DNAH11: variants seen among roughly 807,000 people sequenced by gnomAD.
DNAH11 encodes dynein axonemal heavy chain 11.
A neutral mutation model predicts 526.0 loss-of-function variants in DNAH11; 442 were observed. That is an observed-to-expected ratio of 0.84 (90% CI 0.78 to 0.91). The LOEUF is 0.91. Ranked by LOEUF, DNAH11 falls within the 40% of genes least tolerant of loss-of-function variation. DNAH11 has a pLI of 0.00. For synonymous variants in DNAH11, 2,461 were observed against 1,935.9 expected (o/e 1.27, Z -7.12); for missense variants, 6,989 against 5,448.7 (o/e 1.28, Z -8.90).
rs548116728 is a variant in DNAH11, at chr7:21,699,968, G to T, written c.6180+1755G>T. On this transcript the variant is annotated intron_variant, in intron 36 of 81. Transcript: ENST00000409508. ...GACATAAAAATTGGGAGACAATGGA[G>T]AATGAAAAGATTATCAGAGTTTTCA... 3.3e-5 allele frequency among the ~76,000 whole-genome samples: 5 copies of T among 152,186 alleles called. No homozygotes were observed. In the East Asian group the frequency reaches 7.7e-4, roughly 23 times the overall value.
At chr7:21,893,017 A>G (rs143873274) in intron 77 of DNAH11, among the ~76,000 whole-genome samples, 62 of 152,272 alleles carry the variant, frequency 4.1e-4, no homozygotes, top group African/African-American at 1.3e-3. Flanking sequence ...TCATGTACCA[A>G]TGGTTCATTT....
Position 21,712,000 on chromosome 7 carries a change from A to G in DNAH11, c.6983+140A>G, listed in dbSNP as rs553546823. 3.8e-5 allele frequency: 39 copies of G among 1,026,898 alleles called. No homozygotes were observed. The Middle Eastern group carries it at 1.6e-3, about 42-fold the overall frequency. The allele number at this position is 1,026,898 out of a possible 1,614,324, so 63.6% of individuals were successfully genotyped here. A position where few individuals can be genotyped will look rare whatever the true frequency, so the allele number is the denominator to read the frequency against. On this transcript the variant is annotated intron_variant, in intron 42 of 81. Transcript: ENST00000409508. ...TCTCTGGAAGGATTTTATCTTCCCA[A>G]AGTGACACTCTTTATCCATTAAACA...
At chr7:21,561,422 G>A (rs1783454471) in intron 5 of DNAH11, 1 of 359,016 alleles carries the variant, frequency 2.8e-6, no homozygotes, top group Non-Finnish European at 4.9e-6. Flanking sequence ...AATGTTTGTG[G>A]AGGAGTGAGG....
chr7:21,556,011 C>G lies in DNAH11; in HGVS notation c.496-2791C>G, dbSNP rs142749399. Reference sequence around the variant, plus strand: ...TGGGTGTCTGGTAGGCAGGCACACCCGAGGCAGCTACAGCAGGTCATTTAT... The same window carrying G: ...TGGGTGTCTGGTAGGCAGGCACACCGGAGGCAGCTACAGCAGGTCATTTAT... On this transcript the variant is annotated intron_variant, in intron 2 of 81. Coordinates refer to ENST00000409508, the MANE Select transcript of DNAH11 (RefSeq NM_001277115.2). Among the ~76,000 whole-genome samples, 1,303 of 152,236 alleles carry G rather than the reference C, an allele frequency of 8.6e-3. 19 individuals are homozygous for G. Among genetic ancestry groups the G allele is most frequent in the African/African-American group, 0.029 (1,188 of 41,544 alleles).
chr7:21,823,589 C>T (rs1457671899), intron 65 of DNAH11, among the ~76,000 whole-genome samples: 1 of 151,998 alleles, frequency 6.6e-6, no homozygotes, highest in Non-Finnish European at 1.5e-5. Context: ...CTCCCCCTTA[C>T]AATATGCTTA....
At chr7:21,842,145 A>G (rs767226155) in intron 65 of DNAH11, among the ~76,000 whole-genome samples, 1 of 152,036 alleles carries the variant, frequency 6.6e-6, no homozygotes, top group Non-Finnish European at 1.5e-5. Context: ...GTTTATATCA[A>G]TTAGTCAGTG....
chr7:21,740,458 A>G (rs1414855946), intron 48 of DNAH11, among the ~76,000 whole-genome samples: 1 of 152,152 alleles, frequency 6.6e-6, no homozygotes, highest in African/African-American at 2.4e-5. Flanking sequence ...AGTACCTCAT[A>G]TACGTGGAAT....
intron 46 of DNAH11, among the ~76,000 whole-genome samples, chr7:21,737,578 G>C (rs1267651017): frequency 6.6e-6 from 1 of 152,206 alleles, no homozygotes; most frequent in African/African-American, 2.4e-5. Flanking sequence ...AGTAGTATAA[G>C]AGCTATATGT....
intron 79 of DNAH11, among the ~76,000 whole-genome samples, chr7:21,898,379 C>T (rs1381837572): frequency 6.6e-6 from 1 of 152,184 alleles, no homozygotes; most frequent in Non-Finnish European, 1.5e-5. Flanking sequence ...GCCTTTTCTT[C>T]TTCACGGCCC....
At chr7:21,787,723 G>A (rs767361576) in intron 60 of DNAH11, 140 bp downstream of exon 60, 22 of 664,004 alleles carry the variant, frequency 3.3e-5, no homozygotes, top group Admixed American at 7.5e-5. Context: ...TAAGACATGA[G>A]CATGTTAGAG....
chr7:21,679,801 G>A (rs1783063934), intron 30 of DNAH11, among the ~76,000 whole-genome samples: 1 of 152,064 alleles, frequency 6.6e-6, no homozygotes, highest in African/African-American at 2.4e-5. Context: ...TGGCAAATGT[G>A]GTTAATAGGG....
Position 21,690,794 on chromosome 7 carries a change from T to A in DNAH11, c.5954T>A (p.Leu1985Gln), listed in dbSNP as rs1783583176. 1 of 1,610,762 alleles carries A rather than the reference T, an allele frequency of 6.2e-7. No individual in the cohort carries two copies. The highest frequency in any genetic ancestry group is 8.5e-7 in the Non-Finnish European group (1 of 1,178,846). The change falls in exon 35 of 82, where the codon CTG becomes CAG. Residue 1985 changes from leucine to glutamine, a missense_variant. Leu to Gln is a moderately radical substitution (Grantham distance 113). Coordinates refer to ENST00000409508, the MANE Select transcript of DNAH11 (RefSeq NM_001277115.2). ...RFVFLGEAIT[L>Q]KPSVGIFITM... ...GTATTTCTTGGGGAAGCTATCACACTGAAGCCATCAGTTGGAATATTTATT... is the reference window on the plus strand; with the variant it reads ...GTATTTCTTGGGGAAGCTATCACACAGAAGCCATCAGTTGGAATATTTATT...
At chr7:21,782,449 G>A (rs906671364) in intron 57 of DNAH11, among the ~76,000 whole-genome samples, 3 of 152,126 alleles carry the variant, frequency 2.0e-5, no homozygotes, top group South Asian at 2.1e-4. Flanking sequence ...TAGGGTAAAC[G>A]GTATTGAGAA....
chr7:21,613,347 T>G (rs1785616029), intron 20 of DNAH11, among the ~76,000 whole-genome samples: 1 of 152,164 alleles, frequency 6.6e-6, no homozygotes. Flanking sequence ...AAATATGTAG[T>G]AGGGAAAAGA....
intron 65 of DNAH11, among the ~76,000 whole-genome samples, chr7:21,829,241 G>A (rs1311329965): frequency 2.2e-5 from 3 of 134,812 alleles, no homozygotes; most frequent in Non-Finnish European, 3.1e-5. Flanking sequence ...CCCACCCCCC[G>A]CCAATTAGTA....
In DNAH11 at chr7:21,861,893, A is replaced by G. The variant is rs1783076680; in HGVS notation, c.11243A>G (p.Asp3748Gly). Residue 3748 changes from aspartate (D) to glycine (G), a missense_variant, in exon 69 of 82, where the codon GAC (aspartate) becomes GGC (glycine). Coordinates refer to ENST00000409508, the MANE Select transcript of DNAH11 (RefSeq NM_001277115.2). ...TTCCACAGAGCGATCGAGCAGGCTG[A>G]CAAGGTGGAAGACATGCAGGGACGC... Reference protein sequence around the residue: ...VLFHRAIEQADKVEDMQGRIS... With the variant: ...VLFHRAIEQAGKVEDMQGRIS... 6.2e-7 allele frequency: 1 copy of G among 1,613,600 alleles called. No individual in the cohort carries two copies. Among genetic ancestry groups the G allele is most frequent in the African/African-American group, 1.3e-5 (1 of 74,904 alleles).
chr7:21,802,371 G>A (rs904504496), intron 62 of DNAH11, among the ~76,000 whole-genome samples: 4 of 152,070 alleles, frequency 2.6e-5, no homozygotes, highest in African/African-American at 9.7e-5. Context: ...ATGCTGGTTG[G>A]AATGTAAAAT....
intron 34 of DNAH11, among the ~76,000 whole-genome samples, chr7:21,688,742 T>C (rs1014555253): frequency 3.9e-5 from 6 of 152,246 alleles, no homozygotes; most frequent in Admixed American, 3.9e-4. Flanking sequence ...TTTCAAATTA[T>C]GTTCGAAATC....
intron 54 of DNAH11, among the ~76,000 whole-genome samples, chr7:21,752,032 C>G (rs772127154): frequency 6.6e-6 from 1 of 152,222 alleles, no homozygotes; most frequent in Non-Finnish European, 1.5e-5. Context: ...TTTAAAAATG[C>G]ATTTTCTCCA....
Sources: gnomAD v4.1 joint callset for allele counts (sites outside exome capture counted in the v4.1 genomes callset) on GRCh38, gnomAD v4.1.1 for gene constraint, MANE v1.5 for transcripts, NCBI Gene and HGNC (gene_info 2026-07-23, HGNC 2026-07-21) for gene names.